The following RAB5IF variants were observed in gnomAD, a reference collection of about 807,000 sequenced individuals.
The protein encoded by RAB5IF is RAB5 interacting factor.
Under a neutral mutation model 20.3 loss-of-function variants are expected in RAB5IF, and 15 were observed. That is an observed-to-expected ratio of 0.74 (90% CI 0.50 to 1.14). The LOEUF (loss-of-function observed/expected upper bound fraction) is 1.14. Ranked by LOEUF, RAB5IF falls within the 50% of genes most tolerant of loss-of-function variation. The probability of loss-of-function intolerance (pLI) is 0.00; values close to 1 mark genes in which losing one functional copy is unlikely to be tolerated. For missense variants in RAB5IF, 148 were observed against 159.5 expected (o/e 0.93, Z 0.39); for synonymous variants, 67 against 63.7 (o/e 1.05, Z -0.25).
At chr20:36,609,256 C>CACACACACACACACAA in intron 2 of RAB5IF, among the ~76,000 whole-genome samples, 1 of 121,668 alleles carries the variant, frequency 8.2e-6, no homozygotes. Flanking sequence ...CACACACACA[C>CACACACACACACACAA]TATATATAGA....
In RAB5IF at chr20:36,605,868, C is replaced by T. The variant is rs1040754801; in HGVS notation, c.-84C>T. ...GGCCGCTGAGCCTGCAGCCGCCCCG[C>T]GCCGTGACCTGCGACCCTAGACCCC... On this transcript the variant is annotated 5_prime_UTR_variant, in exon 1 of 4. Coordinates refer to ENST00000344795, the MANE Select transcript of RAB5IF (RefSeq NM_018840.5). The T allele has an allele frequency of 4.1e-6, 3 of 726,028 alleles. No individual in the cohort carries two copies. Among genetic ancestry groups the T allele is most frequent in the Admixed American group, 8.7e-5 (2 of 22,914 alleles). 45.0% of individuals were successfully genotyped at this position (726,028 alleles called of 1,614,324 possible).
chr20:36,609,307 C>T (rs1473409468), intron 2 of RAB5IF, among the ~76,000 whole-genome samples: 5 of 151,240 alleles, frequency 3.3e-5, no homozygotes, highest in Admixed American at 1.3e-4. Flanking sequence ...GGAACAATTT[C>T]GGCTCACTGC....
Position 36,609,601 on chromosome 20 carries a change from A to G in RAB5IF, c.219A>G (p.Gly73=), listed in dbSNP as rs1396431726. The G allele has an allele frequency of 6.3e-7, 1 of 1,587,258 alleles. No homozygotes were observed. Among genetic ancestry groups the G allele is most frequent in the Non-Finnish European group, 8.6e-7 (1 of 1,167,264 alleles). The change falls in exon 3 of 4, where the codon GGA becomes GGG. Residue 73 remains glycine, a splice_region_variant and synonymous_variant. Coordinates refer to ENST00000344795, the MANE Select transcript of RAB5IF (RefSeq NM_018840.5). The part of the protein sequence containing the change: ...LPLRGFLGIA[G]FCLINAGVLY... ...TGGTACTTGTTCTCTGTTGCTCCAGATTCTGCCTGATCAATGCAGGAGTCC... is the reference window on the plus strand; with the variant it reads ...TGGTACTTGTTCTCTGTTGCTCCAGGTTCTGCCTGATCAATGCAGGAGTCC...
rs568427204 is a variant in RAB5IF at position 36,605,821 on chromosome 20, A to C, written c.-131A>C. The C allele has an allele frequency of 6.6e-6, 3 of 452,062 alleles. No individual in the cohort carries two copies. Among genetic ancestry groups the C allele is most frequent in the Non-Finnish European group, 7.5e-6 (2 of 266,562 alleles). The allele number at this position is 452,062 out of a possible 1,614,324, so 28.0% of individuals were successfully genotyped here. A position where few individuals can be genotyped will look rare whatever the true frequency, so the allele number is the denominator to read the frequency against. On this transcript the variant is annotated 5_prime_UTR_variant, in exon 1 of 4. Coordinates refer to ENST00000344795, the MANE Select transcript of RAB5IF (RefSeq NM_018840.5). The stretch of plus-strand genomic sequence containing the variant: ...GGGTAGCTTGGCCAGGTTGTGAGGA[A>C]CCGCAGCGCGCCGCAGGACCGGGCC...
At chr20:36,606,190 G>C (rs2038930372) in intron 1 of RAB5IF, 125 bp downstream of exon 1, 1 of 543,798 alleles carries the variant, frequency 1.8e-6, no homozygotes, top group East Asian at 3.5e-5. Flanking sequence ...GGGGCGGGTG[G>C]CCCAAGGGTG....
At chr20:36,609,242 CA>C (rs2039040882) in intron 2 of RAB5IF, among the ~76,000 whole-genome samples, 1 of 133,340 alleles carries the variant, frequency 7.5e-6, no homozygotes, top group South Asian at 2.4e-4. Context: ...CACACACACA[CA>C]CACACACACA....
At chr20:36,609,247 A>C (rs2039041812) in intron 2 of RAB5IF, among the ~76,000 whole-genome samples, 5 of 134,186 alleles carry the variant, frequency 3.7e-5, no homozygotes, top group Non-Finnish European at 6.1e-5. Context: ...ACACACACAC[A>C]CACACACACT....
intron 2 of RAB5IF, among the ~76,000 whole-genome samples, chr20:36,609,164 C>CATATACATAT (rs1568595314): frequency 2.0e-5 from 1 of 49,650 alleles, no homozygotes. Context: ...ATTACACACA[C>CATATACATAT]ACACACACAC....
At chr20:36,609,219 G>C (rs1291174) in intron 2 of RAB5IF, among the ~76,000 whole-genome samples, 3 of 42,770 alleles carry the variant, frequency 7.0e-5, no homozygotes, top group African/African-American at 9.9e-5. Context: ...ACGCACACAC[G>C]CACACACACA....
At chr20:36,606,122 C>A in intron 1 of RAB5IF, 57 bp downstream of exon 1, 1 of 1,086,120 alleles carries the variant, frequency 9.2e-7, no homozygotes, top group Non-Finnish European at 1.3e-6. Flanking sequence ...ACTCGGGGAA[C>A]GGAAGACTGG....
In RAB5IF at chr20:36,607,872, CTTT is replaced by C. The variant is rs754874923; in HGVS notation, c.218+59_218+61del. 17 of 1,605,252 alleles carry C rather than the reference CTTT, an allele frequency of 1.1e-5. No individual in the cohort carries two copies. The East Asian group carries it at 3.8e-4, about 36-fold the overall frequency. ...GGTATCATTTCTTTTTAAATAGAGG[CTTT>C]TTTTCCTGTTACAGGAAAGGCCATT... is the stretch of plus-strand genomic sequence containing the variant. On this transcript the variant is annotated intron_variant, in intron 2 of 3. Coordinates refer to ENST00000344795, the MANE Select transcript of RAB5IF (RefSeq NM_018840.5).
At chr20:36,611,270 T>G (rs2039106948) in intron 3 of RAB5IF, among the ~76,000 whole-genome samples, 1 of 152,002 alleles carries the variant, frequency 6.6e-6, no homozygotes, top group Non-Finnish European at 1.5e-5. Flanking sequence ...GGATTACAGG[T>G]GTGAGCCACT....
intron 1 of RAB5IF, among the ~76,000 whole-genome samples, chr20:36,607,160 A>C (rs1465782797): frequency 2.0e-5 from 3 of 152,020 alleles, no homozygotes; most frequent in Admixed American, 6.6e-5. Flanking sequence ...AATTATTATC[A>C]CAGTCATTTC....
At chr20:36,611,858 C>T in intron 3 of RAB5IF, 152 bp from the exon 4 acceptor site, 1 of 1,000,392 alleles carries the variant, frequency 1.0e-6, no homozygotes, top group Non-Finnish European at 1.5e-6. Context: ...AGCGTGATTT[C>T]AGTGAAATAA....
chr20:36,609,178 C>T (rs1163069957), intron 2 of RAB5IF, among the ~76,000 whole-genome samples: 34 of 31,922 alleles, frequency 1.1e-3, no homozygotes, highest in Non-Finnish European at 1.6e-3. Context: ...CACACACACA[C>T]ACACACACAC....
intron 1 of RAB5IF, 127 bp from the exon 2 acceptor site, chr20:36,607,588 A>G (rs1568594293): frequency 9.5e-7 from 1 of 1,047,830 alleles, no homozygotes; most frequent in Middle Eastern, 3.0e-4. Flanking sequence ...CAGGAAGCAC[A>G]TACTGTTGCC....
At position 36,605,812 on chromosome 20, in the gene RAB5IF, T is replaced by G; in HGVS notation, c.-140T>G. 3 of 427,356 alleles carry G rather than the reference T, an allele frequency of 7.0e-6. No homozygotes were observed. Among genetic ancestry groups the G allele is most frequent in the African/African-American group, 2.1e-5 (1 of 48,406 alleles). 26.5% of individuals were successfully genotyped at this position (427,356 alleles called of 1,614,324 possible). A position where few individuals can be genotyped will look rare whatever the true frequency, so the allele number is the denominator to read the frequency against. ...GGCGGAACCGGGTAGCTTGGCCAGGTTGTGAGGAACCGCAGCGCGCCGCAG... is the reference window on the plus strand; with the variant it reads ...GGCGGAACCGGGTAGCTTGGCCAGGGTGTGAGGAACCGCAGCGCGCCGCAG... On this transcript the variant is annotated 5_prime_UTR_variant, in exon 1 of 4. Coordinates refer to ENST00000344795, the MANE Select transcript of RAB5IF (RefSeq NM_018840.5).
chr20:36,611,103 C>T (rs2039101408), intron 3 of RAB5IF, among the ~76,000 whole-genome samples: 1 of 152,192 alleles, frequency 6.6e-6, no homozygotes, highest in Admixed American at 6.5e-5. Context: ...GATCCTCCCA[C>T]CTCAGCCTCC....
At chr20:36,609,577 G>T (rs753827485) in intron 2 of RAB5IF, 24 bp from the exon 3 acceptor site, 3 of 1,553,584 alleles carry the variant, frequency 1.9e-6, no homozygotes, top group African/African-American at 2.7e-5. Context: ...ATTTATGTTT[G>T]GTACTTGTTC....
Sources: gnomAD v4.1 joint callset for allele counts (sites outside exome capture counted in the v4.1 genomes callset) on GRCh38, gnomAD v4.1.1 for gene constraint, MANE v1.5 for transcripts, NCBI Gene and HGNC (gene_info 2026-07-23, HGNC 2026-07-21) for gene names.